TLE4: variants seen among roughly 807,000 people sequenced by gnomAD.
The protein encoded by TLE4 is transducin-like enhancer protein 4.
Under a neutral mutation model 92.8 loss-of-function variants are expected in TLE4, and 8 were observed. That is an observed-to-expected ratio of 0.09 (90% CI 0.05 to 0.16). The LOEUF is 0.16. Ranked by LOEUF, TLE4 falls within the 10% of genes least tolerant of loss-of-function variation. TLE4 has a pLI of 1.00. For synonymous variants in TLE4, 371 were observed against 374.1 expected (o/e 0.99, Z 0.10); for missense variants, 675 against 997.6 (o/e 0.68, Z 4.36).
At chr9:79,710,202 C>T (rs1416871115) in intron 14 of TLE4, among the ~76,000 whole-genome samples, 1 of 152,210 alleles carries the variant, frequency 6.6e-6, no homozygotes, top group African/African-American at 2.4e-5. Context: ...AAAGACAAAA[C>T]ACAACACACC....
At position 79,704,853 on chromosome 9, in the gene TLE4, C is replaced by T; in HGVS notation, c.680C>T (p.Ser227Leu). The part of the protein sequence containing the change: ...EKHRNSADYS[S>L]ESKKQKTEEK... Reference sequence around the variant, plus strand: ...CACAGAAACTCCGCAGACTACTCCTCAGAGAGCAAAAAGCAGAAAACTGAA... The same window carrying T: ...CACAGAAACTCCGCAGACTACTCCTTAGAGAGCAAAAAGCAGAAAACTGAA... The change falls in exon 9 of 20, where the codon TCA becomes TTA. Residue 227 changes from serine to leucine, a missense_variant. By Grantham distance (145) the Ser-to-Leu change is moderately radical (BLOSUM62 -2). Transcript: ENST00000376552. 1.2e-6 allele frequency: 2 copies of T among 1,614,154 alleles called. No individual in the cohort carries two copies. Among genetic ancestry groups the T allele is most frequent in the Non-Finnish European group, 1.7e-6 (2 of 1,180,018 alleles).
Position 79,726,669 on chromosome 9 carries a change from C to T in TLE4, c.*1525C>T, listed in dbSNP as rs1294231127. The T allele has an allele frequency of 6.6e-6, 1 of 152,634 alleles. No homozygotes were observed. The highest frequency in any genetic ancestry group is 1.5e-5 in the Non-Finnish European group (1 of 68,040). The allele number at this position is 152,634 out of a possible 1,614,324, so 9.5% of individuals were successfully genotyped here. A position where few individuals can be genotyped will look rare whatever the true frequency, so the allele number is the denominator to read the frequency against. The stretch of plus-strand genomic sequence containing the variant: ...ACATAGTTCTAATGCATTGTATTGA[C>T]CACCAGTACTTCTATAATGGTAGAT... On this transcript the variant is annotated 3_prime_UTR_variant, in exon 20 of 20. Coordinates refer to ENST00000376552, the MANE Select transcript of TLE4 (RefSeq NM_007005.6).
At chr9:79,596,089 G>A (rs1237124257) in intron 4 of TLE4, among the ~76,000 whole-genome samples, 12 of 152,082 alleles carry the variant, frequency 7.9e-5, no homozygotes, top group East Asian at 1.9e-4. Flanking sequence ...CTCGTGATCC[G>A]CCCGCCCTGG....
intron 6 of TLE4, among the ~76,000 whole-genome samples, chr9:79,631,615 A>AGTGT (rs2054218595): frequency 2.7e-4 from 8 of 29,604 alleles, no homozygotes; most frequent in African/African-American, 5.0e-4. Flanking sequence ...TTGAACCTTA[A>AGTGT]ATGTGTGTGT....
rs752619172 is a variant in TLE4 at position 79,652,800 on chromosome 9, T to G, written c.592+6T>G. On this transcript the variant is annotated splice_donor_region_variant and intron_variant, in intron 7 of 19. Transcript: ENST00000376552. Reference sequence around the variant, plus strand: ...TGACAATGATCACCAAAGAGGTGAGTAACTCTCTTGGAATGCCAATCTGAG... The same window carrying G: ...TGACAATGATCACCAAAGAGGTGAGGAACTCTCTTGGAATGCCAATCTGAG... The G allele has an allele frequency of 6.8e-6, 11 of 1,613,562 alleles. No individual in the cohort carries two copies. Among genetic ancestry groups the G allele is most frequent in the South Asian group, 2.2e-5 (2 of 91,036 alleles).
chr9:79,603,075 T>TG (rs1311405534), intron 4 of TLE4, among the ~76,000 whole-genome samples: 1 of 152,188 alleles, frequency 6.6e-6, no homozygotes, highest in Non-Finnish European at 1.5e-5. Context: ...GATGAGGAGT[T>TG]GCTGCTTATG....
At chr9:79,574,779 T>C in intron 2 of TLE4, 94 bp from the exon 3 acceptor site, 1 of 1,024,300 alleles carries the variant, frequency 9.8e-7, no homozygotes, top group Non-Finnish European at 1.5e-6. Flanking sequence ...ATTGTTGATT[T>C]AGTTGTTTGT....
intron 1 of TLE4, 58 bp from the exon 2 acceptor site, chr9:79,573,631 C>A: frequency 2.1e-6 from 3 of 1,409,280 alleles, no homozygotes; most frequent in Non-Finnish European, 2.9e-6. Context: ...AGGTTTTCTC[C>A]GTCTCCCTGC....
chr9:79,636,826 A>G (rs2055982978), intron 6 of TLE4, among the ~76,000 whole-genome samples: 1 of 152,172 alleles, frequency 6.6e-6, no homozygotes, highest in Non-Finnish European at 1.5e-5. Flanking sequence ...CATAATTTTC[A>G]ATACGTATTT....
At chr9:79,679,699 T>C (rs978803007) in intron 8 of TLE4, among the ~76,000 whole-genome samples, 4 of 152,232 alleles carry the variant, frequency 2.6e-5, no homozygotes, top group Non-Finnish European at 5.9e-5. Flanking sequence ...CCCATGCCTA[T>C]GTCCTGAATG....
At chr9:79,684,321 G>T in intron 8 of TLE4, among the ~76,000 whole-genome samples, 2 of 152,296 alleles carry the variant, frequency 1.3e-5, no homozygotes, top group South Asian at 4.1e-4. Flanking sequence ...GCCATAGACC[G>T]GTACTGACCT....
chr9:79,708,795 G>T lies in TLE4; in HGVS notation c.1263+9G>T, dbSNP rs765597016. On this transcript the variant is annotated intron_variant, in intron 13 of 19. Transcript: ENST00000376552. ...ATGGGAGATCACCAGTGGTGCGTTT[G>T]TGAGCTTCACAAATAATATTTTAGC... is the stretch of plus-strand genomic sequence containing the variant. 1 of 1,598,376 alleles carries T rather than the reference G, an allele frequency of 6.3e-7. No homozygotes were observed. Among genetic ancestry groups the T allele is most frequent in the Non-Finnish European group, 8.5e-7 (1 of 1,177,196 alleles).
At chr9:79,663,813 T>A (rs149224245) in intron 8 of TLE4, among the ~76,000 whole-genome samples, 63 of 152,266 alleles carry the variant, frequency 4.1e-4, no homozygotes, top group African/African-American at 1.5e-3. Flanking sequence ...GAGGAGTGCT[T>A]GAAAGCTATG....
At position 79,725,026 on chromosome 9, in the gene TLE4, T is replaced by G. The variant is rs544715553; in HGVS notation, c.2215-11T>G. The G allele has an allele frequency of 6.5e-5, 104 of 1,605,158 alleles. 1 individual carries two copies. The South Asian group carries it at 1.0e-3, about 16-fold the overall frequency. Reference sequence around the variant, plus strand: ...GTATTTAACATTTTTGATTATATGTTTCTTTCCTAGTCCAAAGAATCCTCA... The same window carrying G: ...GTATTTAACATTTTTGATTATATGTGTCTTTCCTAGTCCAAAGAATCCTCA... On this transcript the variant is annotated splice_polypyrimidine_tract_variant and intron_variant, in intron 19 of 19. Coordinates refer to ENST00000376552, the MANE Select transcript of TLE4 (RefSeq NM_007005.6).
chr9:79,647,288 C>CT (rs1367467346), intron 6 of TLE4, among the ~76,000 whole-genome samples: 1 of 152,072 alleles, frequency 6.6e-6, no homozygotes, highest in Non-Finnish European at 1.5e-5. Flanking sequence ...TCATTAAAAG[C>CT]TTTGAATATA....
At chr9:79,614,231 G>C (rs1041375282) in intron 5 of TLE4, among the ~76,000 whole-genome samples, 2 of 152,156 alleles carry the variant, frequency 1.3e-5, no homozygotes, top group African/African-American at 4.8e-5. Flanking sequence ...GTTCTAAGGT[G>C]ACAGGGAAAA....
chr9:79,628,492 G>A (rs1449516825), intron 6 of TLE4, among the ~76,000 whole-genome samples: 1 of 151,820 alleles, frequency 6.6e-6, no homozygotes, highest in Admixed American at 6.6e-5. Context: ...AGAACTCTGG[G>A]ATCACTGCTG....
At chr9:79,591,425 A>G (rs1354658688) in intron 4 of TLE4, among the ~76,000 whole-genome samples, 1 of 152,130 alleles carries the variant, frequency 6.6e-6, no homozygotes, top group African/African-American at 2.4e-5. Context: ...ATAATTGGGA[A>G]TATAGGTTTG....
intron 8 of TLE4, among the ~76,000 whole-genome samples, chr9:79,665,353 A>G (rs901462572): frequency 6.6e-5 from 10 of 152,212 alleles, no homozygotes; most frequent in African/African-American, 2.2e-4. Context: ...TAAAGATTAG[A>G]TACAATCCCT....
Sources: gnomAD v4.1 joint callset for allele counts (sites outside exome capture counted in the v4.1 genomes callset) on GRCh38, gnomAD v4.1.1 for gene constraint, MANE v1.5 for transcripts, NCBI Gene and HGNC (gene_info 2026-07-23, HGNC 2026-07-21) for gene names.